CCDC82: variants seen among roughly 807,000 people sequenced by gnomAD.
CCDC82 encodes coiled-coil domain containing 82, also known as coiled-coil domain-containing protein 82.
A neutral mutation model predicts 60.6 loss-of-function variants in CCDC82; 47 were observed. The observed-to-expected ratio is 0.77, with a 90% CI of 0.61 to 0.99. The LOEUF (loss-of-function observed/expected upper bound fraction) is 0.99, where lower values mean the gene tolerates loss of function less well. CCDC82 is among the 50% of genes least tolerant of loss of function. CCDC82 has a pLI of 0.00. For missense variants in CCDC82, 588 were observed against 633.0 expected (o/e 0.93, Z 0.76); for synonymous variants, 212 against 207.4 (o/e 1.02, Z -0.19).
intron 9 of CCDC82, chr11:96,357,166 G>A: frequency 1.0e-6 from 1 of 985,394 alleles, no homozygotes. Flanking sequence ...CAGAGCACGT[G>A]ACAAATTTTG....
intron 9 of CCDC82, chr11:96,354,356 G>C (rs1010984757): frequency 3.3e-5 from 5 of 151,844 alleles, no homozygotes; most frequent in African/African-American, 1.2e-4. Context: ...ACTACAACCT[G>C]AGTATTTTTA....
chr11:96,358,726 C>T lies in CCDC82; in HGVS notation c.1566+267G>A, dbSNP rs181691439. On this transcript the variant is annotated intron_variant, in intron 9 of 9. Coordinates refer to ENST00000646818, the MANE Select transcript of CCDC82 (RefSeq NM_024725.4). ...TATGTAAGCAATACATACATAAAAGCGAAAGGACAGAGGTCCTTCAATAAA... is the reference window on the plus strand; with the variant it reads ...TATGTAAGCAATACATACATAAAAGTGAAAGGACAGAGGTCCTTCAATAAA... 2.0e-5 allele frequency: 22 copies of T among 1,077,708 alleles called. No individual in the cohort carries two copies. The East Asian group carries it at 3.8e-4, about 19-fold the overall frequency. The allele number at this position is 1,077,708 out of a possible 1,614,324, so 66.8% of individuals were successfully genotyped here.
chr11:96,387,889 G>T (rs578122783), intron 1 of CCDC82: 9 of 152,098 alleles, frequency 5.9e-5, no homozygotes, highest in Non-Finnish European at 1.0e-4. Flanking sequence ...AAATTTAAAG[G>T]AGTCCCCAGT....
chr11:96,369,931 A>G (rs1378449881), intron 7 of CCDC82, among the ~76,000 whole-genome samples: 1 of 152,246 alleles, frequency 6.6e-6, no homozygotes, highest in African/African-American at 2.4e-5. Flanking sequence ...TTTATCTTCA[A>G]AGAAAATAAG....
intron 7 of CCDC82, among the ~76,000 whole-genome samples, chr11:96,368,604 C>A (rs959213361): frequency 6.6e-6 from 1 of 152,120 alleles, no homozygotes; most frequent in East Asian, 1.9e-4. Context: ...CAGTGGCTCA[C>A]GTCCGTAATC....
intron 5 of CCDC82, among the ~76,000 whole-genome samples, chr11:96,376,985 T>C (rs1023443609): frequency 7.2e-5 from 11 of 152,198 alleles, no homozygotes; most frequent in Non-Finnish European, 1.6e-4. Flanking sequence ...AAAGGATTCC[T>C]GGACACTATC....
At chr11:96,374,317 G>C (rs1322894893) in intron 5 of CCDC82, among the ~76,000 whole-genome samples, 3 of 152,152 alleles carry the variant, frequency 2.0e-5, no homozygotes, top group Non-Finnish European at 4.4e-5. Context: ...ACCATGGATA[G>C]ATTTTGACTC....
At position 96,379,628 on chromosome 11, in the gene CCDC82, C is replaced by T. The variant is rs150203597; in HGVS notation, c.991+3641G>A. The stretch of plus-strand genomic sequence containing the variant: ...ACTACTTTATATACCATAAAATTCA[C>T]TCTTTTTGGTGTACAGTTCTATGGC... On this transcript the variant is annotated intron_variant, in intron 5 of 9. Transcript: ENST00000646818. 8.1e-3 allele frequency among the ~76,000 whole-genome samples: 1,234 copies of T among 151,890 alleles called. 4 individuals carry two copies. The highest frequency in any genetic ancestry group is 0.014 in the Non-Finnish European group (938 of 67,756).
chr11:96,383,184 G>A (rs533899892), intron 5 of CCDC82, 85 bp downstream of exon 5: 17 of 813,254 alleles, frequency 2.1e-5, no homozygotes, highest in South Asian at 1.6e-4. Context: ...CAATGATTTA[G>A]AACATGATAT....
chr11:96,361,100 T>C lies in CCDC82; in HGVS notation c.1381-1922A>G, dbSNP rs188294786. On this transcript the variant is annotated intron_variant, in intron 8 of 9. Transcript: ENST00000646818. The stretch of plus-strand genomic sequence containing the variant: ...ATTCACTTGCTAATACTTCCAACTT[T>C]GTGTAAAAAGACAACACAAAAGTTG... Among the ~76,000 whole-genome samples, 72 of 152,350 alleles carry C rather than the reference T, an allele frequency of 4.7e-4. No individual in the cohort carries two copies. The East Asian group carries it at 8.9e-3, about 19-fold the overall frequency.
intron 5 of CCDC82, chr11:96,381,904 T>C (rs982347241): frequency 6.6e-6 from 1 of 151,856 alleles, no homozygotes; most frequent in Non-Finnish European, 1.5e-5. Context: ...CCCCTTAACT[T>C]GAATCATGGC....
At chr11:96,372,251 CAA>C (rs1011680593) in intron 6 of CCDC82, among the ~76,000 whole-genome samples, 1 of 152,160 alleles carries the variant, frequency 6.6e-6, no homozygotes, top group Non-Finnish European at 1.5e-5. Context: ...AAAGCTACCC[CAA>C]GAGGCCTTTT....
At chr11:96,388,779 C>T (rs1320527131) in intron 1 of CCDC82, 1 of 152,192 alleles carries the variant, frequency 6.6e-6, no homozygotes, top group Non-Finnish European at 1.5e-5. Context: ...TGAAATTCTA[C>T]CAGGAGGGAT....
At chr11:96,386,987 C>A (rs1866230092) in intron 2 of CCDC82, 1 of 152,224 alleles carries the variant, frequency 6.6e-6, no homozygotes, top group African/African-American at 2.4e-5. Context: ...ACGAACTAGG[C>A]ATCTTACATT....
intron 9 of CCDC82, 200 bp from the exon 10 acceptor site, chr11:96,353,914 T>C (rs1458063618): frequency 1.7e-5 from 7 of 409,828 alleles, no homozygotes; most frequent in Admixed American, 4.2e-5. Context: ...ATAGAAAGCA[T>C]TGGAAAGTGA....
rs1367414019 is a variant in CCDC82 at position 96,384,605 on chromosome 11, T to C, written c.143A>G (p.Glu48Gly). Residue 48 changes from glutamate to glycine, a missense_variant, in exon 4 of 10, where the codon GAA becomes GGA. By Grantham distance (98) the Glu-to-Gly change is moderately conservative. Coordinates refer to ENST00000646818, the MANE Select transcript of CCDC82 (RefSeq NM_024725.4). ...ATCAAGCTCTTCATCACTATCAAAT[T>C]CTTCACTATCAAGCTCTTCATCACT... is the stretch of plus-strand genomic sequence containing the variant. Reference protein sequence around the residue: ...LDSDEELDSEEFDSDEELDSD... With the variant: ...LDSDEELDSEGFDSDEELDSD... 9 of 1,613,438 alleles carry C rather than the reference T, an allele frequency of 5.6e-6. No individual in the cohort carries two copies. The highest frequency in any genetic ancestry group is 7.6e-6 in the Non-Finnish European group (9 of 1,179,636).
chr11:96,378,927 G>A (rs1340363232), intron 5 of CCDC82, among the ~76,000 whole-genome samples: 4 of 151,962 alleles, frequency 2.6e-5, no homozygotes, highest in Non-Finnish European at 5.9e-5. Context: ...ATCTCTCAGA[G>A]CCAAATGGCA....
At chr11:96,378,730 A>G (rs1381727036) in intron 5 of CCDC82, among the ~76,000 whole-genome samples, 1 of 151,984 alleles carries the variant, frequency 6.6e-6, no homozygotes, top group Non-Finnish European at 1.5e-5. Context: ...CCTGCATACA[A>G]TATTTTTAGT....
chr11:96,372,410 G>T (rs1245784303), intron 6 of CCDC82, among the ~76,000 whole-genome samples: 1 of 151,006 alleles, frequency 6.6e-6, no homozygotes, highest in Admixed American at 6.6e-5. Flanking sequence ...TCTCCCATTA[G>T]ACTATAAGTA....
Sources: allele counts gnomAD v4.1 joint callset (sites outside exome capture counted in the v4.1 genomes callset), GRCh38; gene constraint gnomAD v4.1.1; transcripts MANE v1.5; gene names NCBI Gene and HGNC (gene_info 2026-07-23, HGNC 2026-07-21).